Variants in AGBL1 observed in about 807,000 individuals in gnomAD.
AGBL1 encodes the protein cytosolic carboxypeptidase 4.
In AGBL1, 130 loss-of-function variants were observed where a neutral mutation model predicts 118.9. That is an observed-to-expected ratio of 1.09 (90% CI 0.95 to 1.26). AGBL1 has a LOEUF of 1.26. AGBL1 is among the 50% of genes most tolerant of loss of function. AGBL1 has a pLI of 0.00. For synonymous variants in AGBL1, 555 were observed against 478.9 expected (o/e 1.16, Z -2.08); for missense variants, 1,584 against 1,298.1 (o/e 1.22, Z -3.38).
intron 18 of AGBL1, among the ~76,000 whole-genome samples, chr15:86,435,640 G>T (rs994489601): frequency 6.6e-6 from 1 of 152,130 alleles, no homozygotes; most frequent in African/African-American, 2.4e-5. Flanking sequence ...TTTTTAGATT[G>T]GTCATTCACC....
At chr15:86,580,489 C>G (rs1471178378) in intron 21 of AGBL1, among the ~76,000 whole-genome samples, 1 of 140,286 alleles carries the variant, frequency 7.1e-6, no homozygotes, top group African/African-American at 2.4e-5. Context: ...GTATTTTTTT[C>G]TAGACTTTGT....
rs1439493084 is a variant in AGBL1 at position 86,335,899 on chromosome 15, TG to T, written c.2374+40492del. 2.0e-5 allele frequency among the ~76,000 whole-genome samples: 3 copies of T among 152,216 alleles called. No individual in the cohort carries two copies. The East Asian group carries it at 5.8e-4, about 29-fold the overall frequency. Reference sequence around the variant, plus strand: ...ATTTGGCTAGGTTACCTACCTTCTCTGAATAAGAACATGCATGTGTTCTGGT... The same window carrying T: ...ATTTGGCTAGGTTACCTACCTTCTCTAATAAGAACATGCATGTGTTCTGGT... On this transcript the variant is annotated intron_variant, in intron 17 of 22. Transcript: ENST00000614907.
chr15:86,210,237 T>C (rs937256074), intron 5 of AGBL1, among the ~76,000 whole-genome samples: 1 of 152,344 alleles, frequency 6.6e-6, no homozygotes, highest in African/African-American at 2.4e-5. Context: ...TCTCTCTGGC[T>C]GCCCTTAACA....
At chr15:86,869,128 CTG>C (rs2079682468) in intron 22 of AGBL1, among the ~76,000 whole-genome samples, 2 of 152,226 alleles carry the variant, frequency 1.3e-5, no homozygotes, top group African/African-American at 2.4e-5. Context: ...CTCTATGAAA[CTG>C]TGCTTGCACA....
At chr15:86,986,336 C>G (rs1457718196) in intron 23 of AGBL1, among the ~76,000 whole-genome samples, 1 of 152,180 alleles carries the variant, frequency 6.6e-6, no homozygotes, top group African/African-American at 2.4e-5. Context: ...GTATTTATTT[C>G]TGGACTCCTA....
At position 86,546,864 on chromosome 15, in the gene AGBL1, G is replaced by T. The variant is rs1395060965; in HGVS notation, c.2817+731G>T. Among the ~76,000 whole-genome samples the T allele has an allele frequency of 2.6e-5, 4 of 152,106 alleles. No individual in the cohort carries two copies. The South Asian group carries it at 8.3e-4, about 32-fold the overall frequency. ...TTGCCCAAACACTAAATGAAAACTG[G>T]TCTTTGTTTAAAATTTCTGTAGAAA... On this transcript the variant is annotated intron_variant, in intron 20 of 22. Transcript: ENST00000614907.
At chr15:86,952,470 T>G (rs933337218) in intron 23 of AGBL1, among the ~76,000 whole-genome samples, 1 of 152,230 alleles carries the variant, frequency 6.6e-6, no homozygotes, top group Non-Finnish European at 1.5e-5. Context: ...TAACTGTAAT[T>G]AAAACTGGTA....
chr15:86,890,300 G>A (rs1217523565), intron 22 of AGBL1, among the ~76,000 whole-genome samples: 1 of 152,096 alleles, frequency 6.6e-6, no homozygotes, highest in Non-Finnish European at 1.5e-5. Context: ...ACATTTGTCA[G>A]ATGGATAGAT....
chr15:86,592,490 T>C (rs2084351192), intron 21 of AGBL1, among the ~76,000 whole-genome samples: 1 of 152,200 alleles, frequency 6.6e-6, no homozygotes, highest in Non-Finnish European at 1.5e-5. Flanking sequence ...GTTCCAGAGT[T>C]TCCATTTCTC....
At position 86,247,684 on chromosome 15, in the gene AGBL1, C is replaced by T; in HGVS notation, c.540C>T (p.Arg180=). The T allele has an allele frequency of 6.2e-7, 1 of 1,607,502 alleles. No individual in the cohort carries two copies. Among genetic ancestry groups the T allele is most frequent in the Non-Finnish European group, 8.5e-7 (1 of 1,177,012 alleles). ...CTTTGTTTTCAGAGTCGAACGGCCG[C>T]AGAGCAGTGAACCGAGGCTACGTCA... ...AALLKSKSNG[R]RAVNRGYVTS... is the part of the protein sequence containing the mutation. Residue 180 remains arginine, a synonymous_variant, in exon 7 of 23, where the codon CGC becomes CGT. Transcript: ENST00000614907.
intron 23 of AGBL1, among the ~76,000 whole-genome samples, chr15:86,985,861 C>T (rs912699637): frequency 6.6e-5 from 10 of 151,782 alleles, no homozygotes; most frequent in Admixed American, 2.6e-4. Context: ...TGTTCCATTT[C>T]GAGTTCGCTT....
rs376822385 is a variant in AGBL1 at position 86,238,788 on chromosome 15, G to A, written c.527-8883G>A. Reference sequence around the variant, plus strand: ...TCAGAAGAGTTTCGAGTCTTGTGGCGCCTTCTATGTTTATTTTTCAAATTT... The same window carrying A: ...TCAGAAGAGTTTCGAGTCTTGTGGCACCTTCTATGTTTATTTTTCAAATTT... On this transcript the variant is annotated intron_variant, in intron 6 of 22. Coordinates refer to ENST00000614907, the MANE Select transcript of AGBL1 (RefSeq NM_001386094.1). Among the ~76,000 whole-genome samples the A allele has an allele frequency of 9.2e-5, 14 of 152,204 alleles. No homozygotes were observed. In the East Asian group the frequency reaches 1.7e-3, roughly 19 times the overall value.
intron 17 of AGBL1, among the ~76,000 whole-genome samples, chr15:86,354,641 C>G (rs958054244): frequency 6.6e-6 from 1 of 152,202 alleles, no homozygotes. Flanking sequence ...TTTAGTATAT[C>G]AAGGAATTCA....
chr15:86,855,290 C>A (rs956014172), intron 22 of AGBL1, among the ~76,000 whole-genome samples: 1 of 152,184 alleles, frequency 6.6e-6, no homozygotes, highest in African/African-American at 2.4e-5. Flanking sequence ...GAAGAATACA[C>A]AAATCTGATA....
intron 6 of AGBL1, among the ~76,000 whole-genome samples, chr15:86,227,298 G>C (rs544606020): frequency 1.3e-5 from 2 of 152,350 alleles, no homozygotes; most frequent in African/African-American, 4.8e-5. Flanking sequence ...TGCTAATTCT[G>C]CTGAGCTGTC....
intron 9 of AGBL1, among the ~76,000 whole-genome samples, chr15:86,259,804 G>T (rs1407650083): frequency 6.6e-6 from 1 of 152,212 alleles, no homozygotes; most frequent in Non-Finnish European, 1.5e-5. Flanking sequence ...CCTCTTGCTT[G>T]CTCTTTGATA....
At chr15:86,089,562 A>G (rs932224563) in intron 1 of AGBL1, among the ~76,000 whole-genome samples, 3 of 152,192 alleles carry the variant, frequency 2.0e-5, no homozygotes, top group Non-Finnish European at 4.4e-5. Context: ...CATCTGAGGA[A>G]GCTTTTCCTA....
At chr15:86,719,197 TTCAC>T (rs2086681076) in intron 22 of AGBL1, among the ~76,000 whole-genome samples, 1 of 152,164 alleles carries the variant, frequency 6.6e-6, no homozygotes, top group African/African-American at 2.4e-5. Flanking sequence ...GAAATTGGGA[TTCAC>T]TCACTCAATG....
At chr15:86,785,732 G>T (rs1451487060) in intron 22 of AGBL1, among the ~76,000 whole-genome samples, 1 of 152,168 alleles carries the variant, frequency 6.6e-6, no homozygotes, top group Non-Finnish European at 1.5e-5. Context: ...GGAAAACACA[G>T]ATATCAGCAA....
Sources: allele counts gnomAD v4.1 joint callset (sites outside exome capture counted in the v4.1 genomes callset), GRCh38; gene constraint gnomAD v4.1.1; transcripts MANE v1.5; gene names NCBI Gene and HGNC (gene_info 2026-07-23, HGNC 2026-07-21).